TMPRSS15: variants seen among roughly 807,000 people sequenced by gnomAD.
TMPRSS15 encodes enteropeptidase.
A neutral mutation model predicts 125.3 loss-of-function variants in TMPRSS15; 128 were observed. The ratio of observed to expected loss-of-function variants is 1.02; its 90% CI spans 0.89 to 1.18. The LOEUF (loss-of-function observed/expected upper bound fraction) is 1.18, where lower values mean the gene tolerates loss of function less well. Ranked by LOEUF, TMPRSS15 falls within the 50% of genes most tolerant of loss-of-function variation. The pLI is 0.00. For synonymous variants in TMPRSS15, 446 were observed against 423.2 expected (o/e 1.05, Z -0.66); for missense variants, 1,283 against 1,212.7 (o/e 1.06, Z -0.86).
chr21:18,294,314 G>C lies in TMPRSS15; in HGVS notation c.2442C>G (p.Leu814=). ...CGGACACCAGCCAGTCACTGCTGAC[G>C]AGAGATGCGCCGCAGAGCAGTCGGC... ...YGGRLLCGAS[L]VSSDWLVSAA... The change falls in exon 21 of 25, where the codon CTC becomes CTG. Residue 814 remains leucine, a synonymous_variant. Transcript: ENST00000284885. The C allele has an allele frequency of 1.2e-6, 2 of 1,614,222 alleles. No homozygotes were observed. The highest frequency in any genetic ancestry group is 1.7e-6 in the Non-Finnish European group (2 of 1,180,044).
At chr21:18,435,436 T>C (rs1048265675) in intron 1 of TMPRSS15, among the ~76,000 whole-genome samples, 18 of 152,216 alleles carry the variant, frequency 1.2e-4, no homozygotes, top group Middle Eastern at 3.2e-3. Flanking sequence ...ATTACATTTA[T>C]TGATTTGCGT....
chr21:18,338,458 C>T (rs2075414459), intron 13 of TMPRSS15, among the ~76,000 whole-genome samples: 2 of 152,058 alleles, frequency 1.3e-5, no homozygotes, highest in Admixed American at 1.3e-4. Context: ...TTTAATGATG[C>T]TGAATGTTGT....
chr21:18,314,261 T>C (rs2406174), intron 17 of TMPRSS15, among the ~76,000 whole-genome samples: 84,158 of 151,934 alleles, frequency 0.55, 23,988 homozygotes, highest in East Asian at 0.9. Flanking sequence ...AGTTTCCTCA[T>C]GGGTAAACTA....
rs780014026 is a variant in TMPRSS15, at chr21:18,359,804, T to G, written c.833A>C (p.Asp278Ala). ...TACACCTTCATAAATATCTAATATATCTGTATAATATGTATTAAAATCATC... is the reference window on the plus strand; with the variant it reads ...TACACCTTCATAAATATCTAATATAGCTGTATAATATGTATTAAAATCATC... ...SFDDFNTYYT[D>A]ILDIYEGVGS... is the part of the protein sequence containing the mutation. The change falls in exon 8 of 25, where the codon GAT becomes GCT. Residue 278 changes from aspartate to alanine, a missense_variant. Transcript: ENST00000284885. 3.9e-6 allele frequency: 6 copies of G among 1,523,568 alleles called. No individual in the cohort carries two copies. The highest frequency in any genetic ancestry group is 5.5e-6 in the Non-Finnish European group (6 of 1,100,300). The allele number at this position is 1,523,568 out of a possible 1,614,324, so 94.4% of individuals were successfully genotyped here. A position where few individuals can be genotyped will look rare whatever the true frequency, so the allele number is the denominator to read the frequency against.
intron 24 of TMPRSS15, among the ~76,000 whole-genome samples, chr21:18,273,240 T>C (rs956705916): frequency 4.6e-5 from 7 of 152,184 alleles, no homozygotes; most frequent in African/African-American, 1.7e-4. Context: ...AAGTCAGAAG[T>C]TGTGGATGAC....
upstream of TMPRSS15, among the ~76,000 whole-genome samples, chr21:18,406,437 G>A (rs2076152106): frequency 6.6e-6 from 1 of 151,966 alleles, no homozygotes; most frequent in Non-Finnish European, 1.5e-5. Context: ...AGCTGCTATG[G>A]CTTACAAATA....
intron 5 of TMPRSS15, among the ~76,000 whole-genome samples, chr21:18,376,799 T>C (rs1204992429): frequency 2.6e-5 from 4 of 152,166 alleles, no homozygotes; most frequent in African/African-American, 9.7e-5. Context: ...TTAGTAAAGC[T>C]TAAAAGTAAT....
In TMPRSS15 at chr21:18,359,745, G is replaced by T; in HGVS notation, c.880+12C>A. The T allele has an allele frequency of 8.2e-7, 1 of 1,218,058 alleles. No homozygotes were observed. The highest frequency in any genetic ancestry group is 1.2e-6 in the Non-Finnish European group (1 of 825,692). The allele number at this position is 1,218,058 out of a possible 1,614,324, so 75.5% of individuals were successfully genotyped here. A position where few individuals can be genotyped will look rare whatever the true frequency, so the allele number is the denominator to read the frequency against. The stretch of plus-strand genomic sequence containing the variant: ...CATTTTCATAAGTAATTGTATATTT[G>T]TTTCAACTTACCTCTTAAAATCTTG... On this transcript the variant is annotated intron_variant, in intron 8 of 24. Coordinates refer to ENST00000284885, the MANE Select transcript of TMPRSS15 (RefSeq NM_002772.3).
chr21:18,321,526 G>C (rs901942136), intron 16 of TMPRSS15, among the ~76,000 whole-genome samples: 2 of 151,806 alleles, frequency 1.3e-5, no homozygotes, highest in Non-Finnish European at 2.9e-5. Context: ...CTAATATTTT[G>C]TATTATTAGT....
chr21:18,449,185 C>T (rs2076262205), intron 1 of TMPRSS15, among the ~76,000 whole-genome samples: 1 of 152,052 alleles, frequency 6.6e-6, no homozygotes, highest in South Asian at 2.1e-4. Flanking sequence ...ATTCCAGGAG[C>T]TTTTGAAAAT....
intron 1 of TMPRSS15, among the ~76,000 whole-genome samples, chr21:18,468,170 G>T (rs1302414572): frequency 6.6e-6 from 1 of 152,028 alleles, no homozygotes; most frequent in Non-Finnish European, 1.5e-5. Flanking sequence ...GATTTGGAAG[G>T]CTTACAATGA....
intron 18 of TMPRSS15, among the ~76,000 whole-genome samples, chr21:18,312,189 C>A (rs1302988130): frequency 6.6e-6 from 1 of 151,900 alleles, no homozygotes; most frequent in East Asian, 1.9e-4. Context: ...TTGTAAAATG[C>A]AAAATAAGTA....
chr21:18,343,339 A>G (rs1882585219), intron 12 of TMPRSS15, among the ~76,000 whole-genome samples, 167 bp downstream of exon 12: 1 of 152,232 alleles, frequency 6.6e-6, no homozygotes, highest in Admixed American at 6.5e-5. Flanking sequence ...CTATTGAATA[A>G]ATAAAAATAA....
intron 1 of TMPRSS15, among the ~76,000 whole-genome samples, chr21:18,450,786 C>G (rs1363705884): frequency 2.6e-5 from 4 of 152,116 alleles, no homozygotes; most frequent in South Asian, 2.1e-4. Context: ...TAAATTCCAG[C>G]CTTTTCAAAT....
intron 3 of TMPRSS15, among the ~76,000 whole-genome samples, chr21:18,396,800 G>GACTGTCTATCTATCTA (rs1555909728): frequency 3.0e-5 from 2 of 67,786 alleles, no homozygotes; most frequent in Non-Finnish European, 5.6e-5. Context: ...AAATCTGTCT[G>GACTGTCTATCTATCTA]TCTGTCTGTC....
chr21:18,315,399 G>C (rs2075152768), intron 16 of TMPRSS15, 143 bp from the exon 17 acceptor site: 1 of 668,316 alleles, frequency 1.5e-6, no homozygotes, highest in Non-Finnish European at 2.7e-6. Flanking sequence ...GAGTAAATGA[G>C]AGTTAATGGG....
intron 24 of TMPRSS15, among the ~76,000 whole-genome samples, chr21:18,272,899 T>C (rs1464018712): frequency 1.3e-5 from 2 of 152,108 alleles, no homozygotes; most frequent in Non-Finnish European, 2.9e-5. Context: ...AGTGCAAGGG[T>C]TGGTGACCAT....
At chr21:18,404,922 A>G (rs1293594386), upstream of TMPRSS15, among the ~76,000 whole-genome samples, 17 of 151,956 alleles carry the variant, frequency 1.1e-4, no homozygotes, top group Admixed American at 9.2e-4. Flanking sequence ...ATATATATGA[A>G]ATATATATAT....
intron 3 of TMPRSS15, among the ~76,000 whole-genome samples, chr21:18,388,118 C>G (rs999603032): frequency 5.9e-5 from 9 of 152,064 alleles, no homozygotes; most frequent in African/African-American, 2.2e-4. Context: ...ATCTAACAGA[C>G]GTTTTTATGA....
Sources: allele counts gnomAD v4.1 joint callset (sites outside exome capture counted in the v4.1 genomes callset), GRCh38; gene constraint gnomAD v4.1.1; transcripts MANE v1.5; gene names NCBI Gene and HGNC (gene_info 2026-07-23, HGNC 2026-07-21).